The following CLSTN2 variants were observed in gnomAD, a reference collection of about 807,000 sequenced individuals.
CLSTN2 encodes calsyntenin 2, also known as calsyntenin-2.
Under a neutral mutation model 101.2 loss-of-function variants are expected in CLSTN2, and 48 were observed. The ratio of observed to expected loss-of-function variants is 0.47; its 90% CI spans 0.38 to 0.60. CLSTN2 has a LOEUF of 0.60. Ranked by LOEUF, CLSTN2 falls within the 20% of genes least tolerant of loss-of-function variation. CLSTN2 has a pLI of 0.00. For synonymous variants in CLSTN2, 481 were observed against 463.6 expected (o/e 1.04, Z -0.48); for missense variants, 1,160 against 1,238.2 (o/e 0.94, Z 0.95).
chr3:140,033,240 G>A (rs2007593023), intron 1 of CLSTN2, among the ~76,000 whole-genome samples: 1 of 150,276 alleles, frequency 6.7e-6, no homozygotes, highest in Non-Finnish European at 1.5e-5. Flanking sequence ...GGACTAGTAG[G>A]ATGGCAGGAT....
chr3:139,939,633 C>T (rs979218457), intron 1 of CLSTN2, among the ~76,000 whole-genome samples: 50 of 152,302 alleles, frequency 3.3e-4, no homozygotes, highest in African/African-American at 1.1e-3. Flanking sequence ...CCAATGTTCT[C>T]GCTTAGAGCA....
chr3:140,140,013 A>G (rs1381307037), intron 1 of CLSTN2, among the ~76,000 whole-genome samples: 1 of 152,218 alleles, frequency 6.6e-6, no homozygotes, highest in Non-Finnish European at 1.5e-5. Flanking sequence ...CTTTAGATGC[A>G]TCAACATCAT....
At chr3:140,430,725 A>C (rs2088619664) in intron 5 of CLSTN2, among the ~76,000 whole-genome samples, 1 of 152,236 alleles carries the variant, frequency 6.6e-6, no homozygotes, top group African/African-American at 2.4e-5. Flanking sequence ...AAATGGACAT[A>C]TTTAGACAGA....
At chr3:140,228,849 C>G (rs2086346742) in intron 2 of CLSTN2, among the ~76,000 whole-genome samples, 1 of 152,166 alleles carries the variant, frequency 6.6e-6, no homozygotes, top group Admixed American at 6.5e-5. Context: ...GCAGGAAAGA[C>G]CCGCCCCCAT....
intron 4 of CLSTN2, among the ~76,000 whole-genome samples, chr3:140,409,459 A>G (rs1178570080): frequency 6.6e-6 from 1 of 151,952 alleles, no homozygotes; most frequent in Non-Finnish European, 1.5e-5. Flanking sequence ...CCTCTCCAAA[A>G]CCTGGAGCCA....
chr3:140,231,211 A>C (rs1324710038), intron 2 of CLSTN2, among the ~76,000 whole-genome samples: 1 of 151,960 alleles, frequency 6.6e-6, no homozygotes, highest in Non-Finnish European at 1.5e-5. Flanking sequence ...CTATCTCATC[A>C]TGTCACCCAA....
intron 1 of CLSTN2, among the ~76,000 whole-genome samples, chr3:139,956,151 T>C (rs1935390949): frequency 6.6e-6 from 1 of 152,170 alleles, no homozygotes; most frequent in Non-Finnish European, 1.5e-5. Context: ...CTTCAGAAAG[T>C]CCATAAGTAG....
intron 1 of CLSTN2, among the ~76,000 whole-genome samples, chr3:139,962,991 T>A (rs2107815284): frequency 6.6e-6 from 1 of 151,558 alleles, no homozygotes; most frequent in East Asian, 2.0e-4. Context: ...TCTCTTAGGA[T>A]AACACATTGA....
chr3:140,525,142 G>T (rs1935110899), intron 8 of CLSTN2, among the ~76,000 whole-genome samples: 1 of 152,122 alleles, frequency 6.6e-6, no homozygotes, highest in Non-Finnish European at 1.5e-5. Context: ...CCATACAAAA[G>T]ATCAATAAAA....
Position 140,135,117 on chromosome 3 carries a change from CATATATATATATAT to C in CLSTN2, c.110-40802_110-40789del, listed in dbSNP as rs66931848. Reference sequence around the variant, plus strand: ...ACACACACACACACACACACACACACATATATATATATATATATATATATATATATATATATATA... The same window carrying C: ...ACACACACACACACACACACACACACATATATATATATATATATATATATA... On this transcript the variant is annotated intron_variant, in intron 1 of 16. Transcript: ENST00000458420. Among the ~76,000 whole-genome samples, 95 of 58,114 alleles carry C rather than the reference CATATATATATATAT, an allele frequency of 1.6e-3. 1 individual carries two copies. Among genetic ancestry groups the C allele is most frequent in the African/African-American group, 6.5e-3 (76 of 11,640 alleles). 38.1% of individuals were successfully genotyped at this position (58,114 alleles called of 152,430 possible).
chr3:140,340,324 C>T (rs1165011683), intron 2 of CLSTN2, among the ~76,000 whole-genome samples: 1 of 152,186 alleles, frequency 6.6e-6, no homozygotes, highest in Non-Finnish European at 1.5e-5. Context: ...TGCCGGCCAG[C>T]TTTGCAAATG....
Position 140,563,100 on chromosome 3 carries a change from C to G in CLSTN2, c.2379C>G (p.Asp793Glu). The G allele has an allele frequency of 6.2e-7, 1 of 1,614,118 alleles. No homozygotes were observed. Among genetic ancestry groups the G allele is most frequent in the Non-Finnish European group, 8.5e-7 (1 of 1,179,984 alleles). ...FNLEVSILHE[D>E]QVSDKEHVNH... ...CCCAGGTCAGCATCCTTCATGAAGA[C>G]CAAGTCTCAGATAAGGAGCATGTCA... Residue 793 changes from aspartate (D) to glutamate (E), a missense_variant, in exon 15 of 17, where the codon GAC becomes GAG. Coordinates refer to ENST00000458420, the MANE Select transcript of CLSTN2 (RefSeq NM_022131.3).
chr3:140,566,026 C>T, intron 16 of CLSTN2, 27 bp from the exon 17 acceptor site: 1 of 1,613,698 alleles, frequency 6.2e-7, no homozygotes, highest in Non-Finnish European at 8.5e-7. Flanking sequence ...CCCTGATGAG[C>T]ATTTGCTTTT....
chr3:140,423,597 G>A (rs1287154725), intron 5 of CLSTN2, among the ~76,000 whole-genome samples: 2 of 152,104 alleles, frequency 1.3e-5, no homozygotes, highest in Non-Finnish European at 2.9e-5. Context: ...GATATGATGA[G>A]GTTTCTCTTC....
intron 1 of CLSTN2, among the ~76,000 whole-genome samples, chr3:140,093,973 C>A (rs2008824810): frequency 6.6e-6 from 1 of 152,150 alleles, no homozygotes; most frequent in African/African-American, 2.4e-5. Flanking sequence ...TGGAACACTG[C>A]CCGGGGGAAT....
At chr3:140,473,367 G>T (rs940354583) in intron 8 of CLSTN2, among the ~76,000 whole-genome samples, 1 of 152,166 alleles carries the variant, frequency 6.6e-6, no homozygotes, top group Non-Finnish European at 1.5e-5. Flanking sequence ...ACCCCAGAAA[G>T]CTGTGAATAT....
intron 2 of CLSTN2, among the ~76,000 whole-genome samples, chr3:140,386,568 G>A (rs549131108): frequency 1.3e-5 from 2 of 152,290 alleles, no homozygotes; most frequent in East Asian, 1.9e-4. Flanking sequence ...CAGCTGTGCA[G>A]CCAGCTCTCC....
intron 2 of CLSTN2, among the ~76,000 whole-genome samples, chr3:140,383,686 G>C (rs1276681125): frequency 6.6e-6 from 1 of 152,148 alleles, no homozygotes; most frequent in African/African-American, 2.4e-5. Flanking sequence ...ATAGAGAGAG[G>C]AGGGAATTCC....
chr3:140,305,426 A>G (rs1170182850), intron 2 of CLSTN2, among the ~76,000 whole-genome samples: 2 of 152,134 alleles, frequency 1.3e-5, no homozygotes, highest in African/African-American at 4.8e-5. Flanking sequence ...GGGTAAAGGC[A>G]TTTCAAATCC....
Sources: gnomAD v4.1 joint callset for allele counts (sites outside exome capture counted in the v4.1 genomes callset) on GRCh38, gnomAD v4.1.1 for gene constraint, MANE v1.5 for transcripts, NCBI Gene and HGNC (gene_info 2026-07-23, HGNC 2026-07-21) for gene names.